The following PGCKA1 variants were observed in gnomAD, a reference collection of about 807,000 sequenced individuals.
PGCKA1 encodes the protein PDCD10 and GCKIII kinases-associated protein 1.
chr4:37,502,274 G>C, the PGCKA1 span, among the ~76,000 whole-genome samples: 5 of 152,380 alleles, frequency 3.3e-5, no homozygotes, highest in African/African-American at 1.2e-4. Flanking sequence ...GTGCAAGCGG[G>C]TGCCGGGGGC....
the PGCKA1 span, among the ~76,000 whole-genome samples, chr4:37,563,443 C>T: frequency 1.5e-5 from 2 of 137,884 alleles, no homozygotes; most frequent in Admixed American, 7.6e-5. Flanking sequence ...CTAATCTTCC[C>T]GAGGTTGCTC....
the PGCKA1 span, among the ~76,000 whole-genome samples, chr4:37,524,902 C>T: frequency 1.3e-5 from 2 of 152,024 alleles, no homozygotes; most frequent in African/African-American, 4.8e-5. Flanking sequence ...TGGGAGGACC[C>T]TGGGTACTAG....
the PGCKA1 span, among the ~76,000 whole-genome samples, chr4:37,517,590 T>A: frequency 2.6e-5 from 4 of 151,940 alleles, no homozygotes; most frequent in Non-Finnish European, 5.9e-5. Context: ...GTTACTGGAG[T>A]CTGCCAGTCA....
chr4:37,567,840 TAGC>T, the PGCKA1 span, among the ~76,000 whole-genome samples: 1 of 152,142 alleles, frequency 6.6e-6, no homozygotes, highest in Non-Finnish European at 1.5e-5. Context: ...GTCTTAAGGA[TAGC>T]AGGCTAATTA....
At chr4:37,459,557 A>C in the PGCKA1 span, among the ~76,000 whole-genome samples, 1 of 152,156 alleles carries the variant, frequency 6.6e-6, no homozygotes, top group Non-Finnish European at 1.5e-5. Flanking sequence ...TTTTTCCAAT[A>C]AGCCAGTAAG....
At chr4:37,589,279 A>G in the PGCKA1 span, among the ~76,000 whole-genome samples, 1 of 152,222 alleles carries the variant, frequency 6.6e-6, no homozygotes, top group Non-Finnish European at 1.5e-5. Flanking sequence ...CTAACTAAGA[A>G]AAAGGGTAAC....
At chr4:37,545,464 T>C in the PGCKA1 span, among the ~76,000 whole-genome samples, 1 of 152,202 alleles carries the variant, frequency 6.6e-6, no homozygotes, top group South Asian at 2.1e-4. Context: ...ACCTGACTTC[T>C]TAAAAACCTT....
the PGCKA1 span, among the ~76,000 whole-genome samples, chr4:37,551,102 C>T: frequency 6.6e-6 from 1 of 152,092 alleles, no homozygotes; most frequent in Admixed American, 6.5e-5. Context: ...TGTCTGGGCC[C>T]ACCCAGAAGT....
the PGCKA1 span, chr4:37,590,911 G>A: frequency 6.2e-7 from 1 of 1,614,264 alleles, no homozygotes. Flanking sequence ...TGGGGATGGG[G>A]AGATTGTGGA....
At chr4:37,466,388 T>C in the PGCKA1 span, among the ~76,000 whole-genome samples, 1 of 152,210 alleles carries the variant, frequency 6.6e-6, no homozygotes, top group East Asian at 1.9e-4. Flanking sequence ...ACTCATAAAT[T>C]CCAAACTGTC....
chr4:37,567,805 A>G, the PGCKA1 span, among the ~76,000 whole-genome samples: 1 of 152,228 alleles, frequency 6.6e-6, no homozygotes, highest in Admixed American at 6.5e-5. Flanking sequence ...TGTTGCACAC[A>G]GCTGTGAGCA....
At chr4:37,560,841 T>A in the PGCKA1 span, among the ~76,000 whole-genome samples, 1 of 152,188 alleles carries the variant, frequency 6.6e-6, no homozygotes, top group African/African-American at 2.4e-5. Flanking sequence ...TTTCTACTAT[T>A]CTCAGTTTCT....
At chr4:37,548,717 G>C in the PGCKA1 span, among the ~76,000 whole-genome samples, 1 of 152,138 alleles carries the variant, frequency 6.6e-6, no homozygotes, top group Non-Finnish European at 1.5e-5. Flanking sequence ...ACATAAAATG[G>C]TGTTTAGCTT....
At chr4:37,500,546 T>C in the PGCKA1 span, among the ~76,000 whole-genome samples, 1 of 152,240 alleles carries the variant, frequency 6.6e-6, no homozygotes, top group Non-Finnish European at 1.5e-5. Context: ...GATTATGTGA[T>C]TGATTTTAGA....
chr4:37,473,521 A>G, the PGCKA1 span, among the ~76,000 whole-genome samples: 2 of 152,236 alleles, frequency 1.3e-5, no homozygotes, highest in Non-Finnish European at 1.5e-5. Context: ...GACAGAGTTT[A>G]GAGAATGTTA....
At chr4:37,522,991 A>G in the PGCKA1 span, among the ~76,000 whole-genome samples, 46,353 of 151,870 alleles carry the variant, frequency 0.31, 8,321 homozygotes, top group African/African-American at 0.49. Context: ...ACCCCAGCGG[A>G]TGTCTCAGTA....
the PGCKA1 span, among the ~76,000 whole-genome samples, chr4:37,497,446 T>C: frequency 8.5e-5 from 13 of 152,146 alleles, no homozygotes; most frequent in Non-Finnish European, 1.0e-4. Context: ...ACTGGGTAGA[T>C]ACCCAGTAGT....
chr4:37,462,802 G>A, the PGCKA1 span, among the ~76,000 whole-genome samples: 1 of 151,764 alleles, frequency 6.6e-6, no homozygotes, highest in Non-Finnish European at 1.5e-5. Flanking sequence ...AGGCCATCCT[G>A]GCTAACACAG....
chr4:37,576,614 A>C, the PGCKA1 span, among the ~76,000 whole-genome samples: 1 of 152,106 alleles, frequency 6.6e-6, no homozygotes, highest in Non-Finnish European at 1.5e-5. Context: ...TTCTAGTACT[A>C]TGTTGGATAA....
Sources: allele counts gnomAD v4.1 joint callset (sites outside exome capture counted in the v4.1 genomes callset), GRCh38; gene constraint gnomAD v4.1.1; transcripts MANE v1.5; gene names NCBI Gene and HGNC (gene_info 2026-07-23, HGNC 2026-07-21).